RBFOX3: variants seen among roughly 807,000 people sequenced by gnomAD.
The protein encoded by RBFOX3 is RNA binding fox-1 homolog 3, also known as RNA binding protein fox-1 homolog 3.
A neutral mutation model predicts 48.7 loss-of-function variants in RBFOX3; 17 were observed. That is an observed-to-expected ratio of 0.35 (90% CI 0.24 to 0.52). The LOEUF (loss-of-function observed/expected upper bound fraction) is 0.52, where lower values mean the gene tolerates loss of function less well. RBFOX3 is among the 20% of genes least tolerant of loss of function. The pLI, the probability that RBFOX3 is intolerant of heterozygous loss-of-function variation, is 0.94. For synonymous variants in RBFOX3, 212 were observed against 209.5 expected (o/e 1.01, Z -0.10); for missense variants, 382 against 497.5 (o/e 0.77, Z 2.21).
Position 79,111,336 on chromosome 17 carries a change from G to A in RBFOX3, c.222+4158C>T, listed in dbSNP as rs756122178. Among the ~76,000 whole-genome samples, 16 of 152,250 alleles carry A rather than the reference G, an allele frequency of 1.1e-4. No individual in the cohort carries two copies. Among genetic ancestry groups the A allele is most frequent in the Middle Eastern group, 3.4e-3 (1 of 294 alleles). ...CCTTCTGGCAGGTGGAGGAGCCCACGTGGGCTCTGGAAAACACCAGTCTCA... is the reference window on the plus strand; with the variant it reads ...CCTTCTGGCAGGTGGAGGAGCCCACATGGGCTCTGGAAAACACCAGTCTCA... On this transcript the variant is annotated intron_variant, in intron 5 of 14. Coordinates refer to ENST00000693108, the MANE Select transcript of RBFOX3 (RefSeq NM_001350451.2). This position sits in a 1 kb window ranked among gnomAD's most constrained non-coding sequence, Gnocchi z 4.2.
intron 2 of RBFOX3, among the ~76,000 whole-genome samples, chr17:79,385,702 C>T (rs2060474673): frequency 6.6e-6 from 1 of 152,132 alleles, no homozygotes; most frequent in Admixed American, 6.5e-5. Context: ...AGACGGGCTC[C>T]ATCAGCTCCC....
At chr17:79,348,343 A>C (rs1215266522) in intron 2 of RBFOX3, among the ~76,000 whole-genome samples, 1 of 152,108 alleles carries the variant, frequency 6.6e-6, no homozygotes, top group Non-Finnish European at 1.5e-5. Flanking sequence ...CTAAGTAAGA[A>C]CAGACATCAA....
At chr17:79,330,319 G>A (rs2080048079) in intron 2 of RBFOX3, among the ~76,000 whole-genome samples, 1 of 152,098 alleles carries the variant, frequency 6.6e-6, no homozygotes, top group Admixed American at 6.5e-5. Flanking sequence ...TGCCATGCAG[G>A]GGCTTCCCCT....
intron 2 of RBFOX3, among the ~76,000 whole-genome samples, chr17:79,402,571 G>A (rs2062951083): frequency 6.6e-6 from 1 of 152,206 alleles, no homozygotes; most frequent in Non-Finnish European, 1.5e-5. Flanking sequence ...GACAAAGCAG[G>A]AGCCACATGG....
the RBFOX3 span, among the ~76,000 whole-genome samples, chr17:79,639,466 G>T: frequency 1.3e-5 from 2 of 152,022 alleles, no homozygotes; most frequent in African/African-American, 2.4e-5. Flanking sequence ...GTGAGCCACC[G>T]CACCCAGCCC....
intron 4 of RBFOX3, among the ~76,000 whole-genome samples, chr17:79,202,271 T>G (rs1487724469): frequency 6.6e-6 from 1 of 152,056 alleles, no homozygotes; most frequent in East Asian, 1.9e-4. Context: ...GGGAGGAGCC[T>G]GGAAACAGAG....
Position 79,297,609 on chromosome 17 carries a change from G to A in RBFOX3, c.-74+10115C>T, listed in dbSNP as rs150542229. On this transcript the variant is annotated intron_variant, in intron 3 of 14. Transcript: ENST00000693108. The stretch of plus-strand genomic sequence containing the variant: ...TGGCCCAGTGCCTGCCACAAAGCAG[G>A]TGGCCATAGGCCAGGGCACAGTGTG... Among the ~76,000 whole-genome samples, 21 of 152,396 alleles carry A rather than the reference G, an allele frequency of 1.4e-4. No homozygotes were observed. The East Asian group carries it at 3.9e-3, about 28-fold the overall frequency.
At chr17:79,333,464 T>C (rs2080715139) in intron 2 of RBFOX3, among the ~76,000 whole-genome samples, 2 of 152,124 alleles carry the variant, frequency 1.3e-5, no homozygotes, top group South Asian at 2.1e-4. Context: ...CAGAGAAAAA[T>C]GGAGACCGAG....
chr17:79,106,472 A>G (rs2077387112), intron 6 of RBFOX3, among the ~76,000 whole-genome samples, 179 bp downstream of exon 6: 1 of 151,710 alleles, frequency 6.6e-6, no homozygotes, highest in Non-Finnish European at 1.5e-5. Flanking sequence ...CAGCAGGTTC[A>G]GGTCAGGGCA....
intron 4 of RBFOX3, among the ~76,000 whole-genome samples, chr17:79,121,859 T>C (rs1383458384): frequency 6.6e-6 from 1 of 152,124 alleles, no homozygotes; most frequent in African/African-American, 2.4e-5. Flanking sequence ...AAAAAAAACA[T>C]CTGTATGTTG....
chr17:79,222,609 G>C (rs1395680139), intron 4 of RBFOX3, among the ~76,000 whole-genome samples: 2 of 152,178 alleles, frequency 1.3e-5, no homozygotes, highest in Non-Finnish European at 2.9e-5. Flanking sequence ...TTGAGCTTTG[G>C]GCTCAGAAAG....
chr17:79,106,562 G>C, intron 6 of RBFOX3, 89 bp downstream of exon 6: 1 of 1,371,728 alleles, frequency 7.3e-7, no homozygotes, highest in Non-Finnish European at 9.4e-7. Context: ...CGGGGGAACA[G>C]GTGTCGGCAG....
intron 3 of RBFOX3, among the ~76,000 whole-genome samples, chr17:79,244,685 C>A (rs2062876150): frequency 6.6e-6 from 1 of 151,772 alleles, no homozygotes; most frequent in Admixed American, 6.6e-5. Flanking sequence ...GTCACAGGTG[C>A]CCCTCCTAGA....
At chr17:79,343,883 C>T (rs368324480) in intron 2 of RBFOX3, among the ~76,000 whole-genome samples, 228 of 152,236 alleles carry the variant, frequency 1.5e-3, no homozygotes, top group African/African-American at 3.3e-3. Context: ...ACAGCCTGCC[C>T]GTATCTAAGC....
intron 4 of RBFOX3, among the ~76,000 whole-genome samples, chr17:79,165,704 G>T (rs981858956): frequency 3.3e-5 from 5 of 152,232 alleles, no homozygotes; most frequent in Non-Finnish European, 7.3e-5. Flanking sequence ...CTGCACAAGG[G>T]CTTGGGGTCT....
intron 2 of RBFOX3, among the ~76,000 whole-genome samples, chr17:79,379,072 G>A (rs1008109401): frequency 6.6e-6 from 1 of 152,142 alleles, no homozygotes; most frequent in African/African-American, 2.4e-5. Context: ...TCACAGGGGC[G>A]ATGTCCATCC....
the RBFOX3 span, among the ~76,000 whole-genome samples, chr17:79,658,919 G>T: frequency 6.6e-6 from 1 of 152,356 alleles, no homozygotes; most frequent in African/African-American, 2.4e-5. Flanking sequence ...CTGGGATAGT[G>T]TAGGTTCTGC....
chr17:79,421,210 G>A lies in RBFOX3; in HGVS notation c.-175+61244C>T, dbSNP rs1339870894. On this transcript the variant is annotated intron_variant, in intron 2 of 14. Coordinates refer to ENST00000693108, the MANE Select transcript of RBFOX3 (RefSeq NM_001350451.2). The surrounding 1 kb of genome is among the most constrained non-coding windows in gnomAD (Gnocchi z 4.5). ...CCTCCATGCCCTAACCTCCGCGGCC[G>A]CTTCTCTCAGCTGGTTCCACCCTGT... Among the ~76,000 whole-genome samples the A allele has an allele frequency of 2.0e-5, 3 of 152,206 alleles. No individual in the cohort carries two copies. The highest frequency in any genetic ancestry group is 2.9e-5 in the Non-Finnish European group (2 of 68,042).
At chr17:79,598,825 A>G (rs2093634285) in intron 1 of RBFOX3, 1 of 152,134 alleles carries the variant, frequency 6.6e-6, no homozygotes, top group African/African-American at 2.4e-5. Context: ...GGTGCTTTTA[A>G]TGAGCTTTGT....
Sources: allele counts gnomAD v4.1 joint callset (sites outside exome capture counted in the v4.1 genomes callset), GRCh38; gene constraint gnomAD v4.1.1; non-coding constraint Gnocchi (gnomAD v3.1); transcripts MANE v1.5; gene names NCBI Gene and HGNC (gene_info 2026-07-23, HGNC 2026-07-21).